CFAP44: variants seen among roughly 807,000 people sequenced by gnomAD.
The protein encoded by CFAP44 is cilia- and flagella-associated protein 44.
In CFAP44, 134 loss-of-function variants were observed where a neutral mutation model predicts 216.2. The ratio of observed to expected loss-of-function variants is 0.62; its 90% CI spans 0.54 to 0.72. CFAP44 has a LOEUF of 0.72. CFAP44 is among the 30% of genes least tolerant of loss of function. The pLI is 0.00. For missense variants in CFAP44, 2,035 were observed against 2,182.1 expected (o/e 0.93, Z 1.34); for synonymous variants, 700 against 727.6 (o/e 0.96, Z 0.61).
intron 4 of CFAP44, among the ~76,000 whole-genome samples, chr3:113,423,492 T>C (rs1447734059): frequency 6.6e-6 from 1 of 152,128 alleles, no homozygotes; most frequent in Non-Finnish European, 1.5e-5. Context: ...AGTAGAGTTC[T>C]GAAAATCTTA....
At chr3:113,380,771 T>C in intron 16 of CFAP44, 128 bp downstream of exon 16, 1 of 756,082 alleles carries the variant, frequency 1.3e-6, no homozygotes, top group Non-Finnish European at 1.9e-6. Flanking sequence ...CCTACCAGAT[T>C]ATAAACTCCT....
intron 4 of CFAP44, among the ~76,000 whole-genome samples, chr3:113,423,019 A>C (rs1934857857): frequency 6.7e-6 from 1 of 150,216 alleles, no homozygotes; most frequent in Non-Finnish European, 1.5e-5. Context: ...TGCCTAACAC[A>C]CTGTCTTCAG....
intron 33 of CFAP44, among the ~76,000 whole-genome samples, chr3:113,296,220 CATG>C: frequency 6.6e-6 from 1 of 152,148 alleles, no homozygotes; most frequent in East Asian, 1.9e-4. Context: ...CTGCAAAGGA[CATG>C]ATATCATTTT....
At chr3:113,357,450 TG>T in intron 22 of CFAP44, among the ~76,000 whole-genome samples, 1 of 151,996 alleles carries the variant, frequency 6.6e-6, no homozygotes, top group Non-Finnish European at 1.5e-5. Context: ...GGGAGAACAC[TG>T]AGTGAAAGCA....
chr3:113,422,866 A>G lies in CFAP44; in HGVS notation c.408-2687T>C, dbSNP rs147964021. ...TTATTATCTTTAATTTTAGCAGGAA[A>G]ACTCCCTTTTACATGCTGCTGCCCT... is the stretch of plus-strand genomic sequence containing the variant. On this transcript the variant is annotated intron_variant, in intron 4 of 34. Transcript: ENST00000393845. Among the ~76,000 whole-genome samples, 78 of 152,266 alleles carry G rather than the reference A, an allele frequency of 5.1e-4. 1 individual carries two copies. The highest frequency in any genetic ancestry group is 1.8e-3 in the African/African-American group (76 of 41,552).
intron 6 of CFAP44, among the ~76,000 whole-genome samples, chr3:113,412,547 T>C (rs369115738): frequency 1.3e-5 from 2 of 151,928 alleles, no homozygotes; most frequent in African/African-American, 4.8e-5. Flanking sequence ...CAACAGGCCC[T>C]GGTGTGTGTT....
chr3:113,291,813 T>C, intron 34 of CFAP44, 65 bp from the exon 35 acceptor site: 3 of 1,505,326 alleles, frequency 2.0e-6, no homozygotes, highest in Admixed American at 4.0e-5. Flanking sequence ...CATGCCCTTA[T>C]ACTGTGTATC....
At position 113,401,483 on chromosome 3, in the gene CFAP44, C is replaced by T. The variant is rs192065238; in HGVS notation, c.1326+101G>A. ...AGCCACACAATAAGCAATCTCATAA[C>T]ACTTACAGTCAAATGGACTTGTAGC... On this transcript the variant is annotated intron_variant, in intron 10 of 34. Transcript: ENST00000393845. The T allele has an allele frequency of 3.6e-6, 5 of 1,402,318 alleles. No homozygotes were observed. In the East Asian group the frequency reaches 9.4e-5, roughly 26 times the overall value. The allele number at this position is 1,402,318 out of a possible 1,614,324, so 86.9% of individuals were successfully genotyped here.
chr3:113,365,104 T>C (rs1950575465), intron 19 of CFAP44, among the ~76,000 whole-genome samples: 3 of 152,280 alleles, frequency 2.0e-5, no homozygotes, highest in Non-Finnish European at 4.4e-5. Flanking sequence ...TATTGAAATG[T>C]GGAATAAACA....
chr3:113,327,979 G>A (rs1353265046), intron 26 of CFAP44, among the ~76,000 whole-genome samples, 160 bp from the exon 27 acceptor site: 2 of 152,188 alleles, frequency 1.3e-5, no homozygotes, highest in South Asian at 2.1e-4. Context: ...TTCATTAATG[G>A]CATTAAGTTT....
chr3:113,308,028 C>T, intron 29 of CFAP44, 130 bp downstream of exon 29: 1 of 649,616 alleles, frequency 1.5e-6, no homozygotes, highest in Non-Finnish European at 2.5e-6. Context: ...ATTCATTAGA[C>T]TCTATAACAT....
At chr3:113,371,797 A>G (rs1933175708) in intron 18 of CFAP44, among the ~76,000 whole-genome samples, 1 of 152,230 alleles carries the variant, frequency 6.6e-6, no homozygotes, top group Non-Finnish European at 1.5e-5. Context: ...GGCAACCTAC[A>G]GAATGGGAGA....
intron 15 of CFAP44, among the ~76,000 whole-genome samples, chr3:113,395,515 A>G (rs572510654): frequency 2.0e-5 from 3 of 152,194 alleles, no homozygotes; most frequent in Non-Finnish European, 4.4e-5. Context: ...ATCATGGTCA[A>G]CTAATAAGCC....
chr3:113,415,559 C>A (rs1934622605), intron 6 of CFAP44, among the ~76,000 whole-genome samples: 1 of 152,034 alleles, frequency 6.6e-6, no homozygotes, highest in South Asian at 2.1e-4. Flanking sequence ...TCTGGTATAT[C>A]CTCTCTTTGT....
In CFAP44 at chr3:113,324,042, C is replaced by CAAAAAAAAAAAAAAAAAA. The variant is rs200919084; in HGVS notation, c.4516+2402_4516+2403insTTTTTTTTTTTTTTTTTT. 8.4e-3 allele frequency among the ~76,000 whole-genome samples: 601 copies of CAAAAAAAAAAAAAAAAAA among 71,610 alleles called. 7 individuals carry two copies. The highest frequency in any genetic ancestry group is 0.011 in the Non-Finnish European group (360 of 33,842). 47.0% of individuals were successfully genotyped at this position (71,610 alleles called of 152,430 possible). ...CTGGTGACAGAGCAAGACTCCGTCT[C>CAAAAAAAAAAAAAAAAAA]AAAAAAAAAAAAAAAAAGAGAGAAA... On this transcript the variant is annotated intron_variant, in intron 28 of 34. Transcript: ENST00000393845.
intron 18 of CFAP44, among the ~76,000 whole-genome samples, chr3:113,370,725 G>C (rs1933125435): frequency 6.6e-6 from 1 of 152,148 alleles, no homozygotes; most frequent in South Asian, 2.1e-4. Context: ...GGAAGTCCTG[G>C]CCAGGGCAAA....
In CFAP44 at chr3:113,308,175, T is replaced by C. The variant is rs1950004360; in HGVS notation, c.4610A>G (p.Asp1537Gly). 9.8e-6 allele frequency: 15 copies of C among 1,533,182 alleles called. No individual in the cohort carries two copies. The highest frequency in any genetic ancestry group is 1.2e-5 in the Non-Finnish European group (14 of 1,145,964). 95.0% of individuals were successfully genotyped at this position (1,533,182 alleles called of 1,614,324 possible). ...TAACTTACTTGTTGGGCAAATAGAA[T>C]CATCAAAAACCTCATCTTCTGATTC... Reference protein sequence around the residue: ...ESESEDEVFDDSICPTNCDVA... With the variant: ...ESESEDEVFDGSICPTNCDVA... Residue 1537 changes from aspartate to glycine, a missense_variant, in exon 29 of 35, where the codon GAT becomes GGT. Asp to Gly is a moderately conservative substitution (Grantham distance 94, BLOSUM62 -1). Transcript: ENST00000393845.
intron 6 of CFAP44, among the ~76,000 whole-genome samples, chr3:113,412,290 T>C (rs992447307): frequency 7.0e-6 from 1 of 143,598 alleles, no homozygotes; most frequent in Non-Finnish European, 1.6e-5. Context: ...TAAACTTGTT[T>C]TCATTTTACT....
intron 15 of CFAP44, among the ~76,000 whole-genome samples, chr3:113,384,327 G>C (rs956017478): frequency 6.6e-6 from 1 of 152,096 alleles, no homozygotes; most frequent in African/African-American, 2.4e-5. Context: ...CCAAAGTGCT[G>C]GGATTACAGG....
Sources: gnomAD v4.1 joint callset for allele counts (sites outside exome capture counted in the v4.1 genomes callset) on GRCh38, gnomAD v4.1.1 for gene constraint, MANE v1.5 for transcripts, NCBI Gene and HGNC (gene_info 2026-07-23, HGNC 2026-07-21) for gene names.